The following SNURF variants were observed in gnomAD, a reference collection of about 807,000 sequenced individuals.
SNURF encodes the protein SNRPN upstream open reading frame.
Under a neutral mutation model 11.6 loss-of-function variants are expected in SNURF, and 6 were observed. The ratio of observed to expected loss-of-function variants is 0.52; its 90% CI spans 0.28 to 1.02. The LOEUF (loss-of-function observed/expected upper bound fraction) is 1.02, where lower values mean the gene tolerates loss of function less well. Among genes scored for constraint, SNURF ranks in the 50% least tolerant of loss-of-function variants. The pLI, the probability that SNURF is intolerant of heterozygous loss-of-function variation, is 0.09. For synonymous variants in SNURF, 29 were observed against 31.6 expected, an observed-to-expected ratio of 0.92 and a Z score of 0.27; for missense variants, 84 against 88.4, an observed-to-expected ratio of 0.95 and a Z score of 0.20.
In SNURF at chr15:24,956,506, TC is replaced by T. The variant is rs921500626; in HGVS notation, c.14+1448del. Among the ~76,000 whole-genome samples, 75 of 152,182 alleles carry T rather than the reference TC, an allele frequency of 4.9e-4. 1 individual carries two copies. Among genetic ancestry groups the T allele is most frequent in the Admixed American group, 8.5e-4 (13 of 15,292 alleles). On this transcript the variant is annotated intron_variant, in intron 1 of 2. Transcript: ENST00000577949. ...CCGGCCAAGGTGGGCGGCTGCCCCC[TC>T]CCCAAAGTGCTGCTTGGGAAAGGAT...
At chr15:24,957,608 C>A (rs2063141631) in intron 1 of SNURF, among the ~76,000 whole-genome samples, 1 of 152,146 alleles carries the variant, frequency 6.6e-6, no homozygotes, top group South Asian at 2.1e-4. Flanking sequence ...TGTCTGGTTG[C>A]ACTGAGTTGT....
At chr15:24,957,184 A>G (rs1036299734) in intron 1 of SNURF, among the ~76,000 whole-genome samples, 2 of 152,158 alleles carry the variant, frequency 1.3e-5, no homozygotes, top group Non-Finnish European at 2.9e-5. Context: ...TGGATAGTCC[A>G]TTCTGATGCA....
chr15:24,977,645 A>G (rs549915278), intron 6 of SNURF: 5 of 892,244 alleles, frequency 5.6e-6, no homozygotes, highest in Non-Finnish European at 8.0e-6. Flanking sequence ...TCAAAAAAAA[A>G]CATGGGAATA....
At chr15:24,977,765 C>T (rs752739804) in intron 6 of SNURF, 11 of 1,581,174 alleles carry the variant, frequency 7.0e-6, no homozygotes, top group East Asian at 2.3e-5. Context: ...TGTTTCCCGC[C>T]CTGCCTTCTC....
At chr15:24,976,474 A>T in intron 5 of SNURF, 1 of 1,145,966 alleles carries the variant, frequency 8.7e-7, no homozygotes, top group Non-Finnish European at 1.3e-6. Flanking sequence ...ATATTATGTG[A>T]GATGTCTGAA....
intron 4 of SNURF, chr15:24,975,586 T>C: frequency 8.0e-7 from 1 of 1,253,844 alleles, no homozygotes; most frequent in Non-Finnish European, 1.1e-6. Flanking sequence ...GTAAGGGATT[T>C]CCGAGGGTAA....
exon 1 of SNURF, chr15:24,954,993 T>TGGAGC (rs1296453386): frequency 5.0e-6 from 8 of 1,609,412 alleles, no homozygotes; most frequent in African/African-American, 1.3e-5. Context: ...TGGCGCAGAG[T>TGGAGC]GGAGCGGCCG....
chr15:24,962,174 C>G, exon 2 of SNURF: 8 of 1,614,114 alleles, frequency 5.0e-6, no homozygotes, highest in Non-Finnish European at 6.8e-6. Flanking sequence ...AAGTCCAAGT[C>G]AAACGCAGAA....
At chr15:24,973,497 A>G, downstream of SNURF, among the ~76,000 whole-genome samples, 1 of 152,152 alleles carries the variant, frequency 6.6e-6, no homozygotes. Context: ...TCCCAGGTTC[A>G]AGCGATTCTC....
At chr15:24,957,689 T>A (rs986295246) in intron 1 of SNURF, among the ~76,000 whole-genome samples, 2 of 152,354 alleles carry the variant, frequency 1.3e-5, no homozygotes, top group Non-Finnish European at 1.5e-5. Flanking sequence ...TTGGGTAGTT[T>A]TAAAAATAGC....
chr15:24,958,319 C>T (rs1272721434), intron 1 of SNURF, among the ~76,000 whole-genome samples: 1 of 151,312 alleles, frequency 6.6e-6, no homozygotes, highest in Non-Finnish European at 1.5e-5. Flanking sequence ...GTTGTGAGTA[C>T]TGCCCTCAAT....
downstream of SNURF, among the ~76,000 whole-genome samples, chr15:24,972,767 T>C (rs1054487191): frequency 1.3e-5 from 2 of 149,406 alleles, no homozygotes; most frequent in South Asian, 2.1e-4. Context: ...AGGGAAACAT[T>C]ATGCATGCTT....
chr15:24,962,349 C>T, intron 2 of SNURF, 140 bp downstream of exon 2: 1 of 730,522 alleles, frequency 1.4e-6, no homozygotes, highest in Non-Finnish European at 2.4e-6. Flanking sequence ...AGTAAAAAAG[C>T]AATGAAATTC....
chr15:24,963,315 C>T (rs1172278581), intron 2 of SNURF, among the ~76,000 whole-genome samples: 2 of 152,164 alleles, frequency 1.3e-5, no homozygotes, highest in East Asian at 1.9e-4. Context: ...AAAGAACAGT[C>T]ACTTTGAAAA....
chr15:24,958,227 G>C (rs393784), intron 1 of SNURF, among the ~76,000 whole-genome samples: 58 of 151,932 alleles, frequency 3.8e-4, no homozygotes, highest in Admixed American at 9.8e-4. Flanking sequence ...TTGTTTATAA[G>C]GTGTCAAGGA....
chr15:24,972,073 T>C (rs903148944), downstream of SNURF, among the ~76,000 whole-genome samples: 1 of 152,088 alleles, frequency 6.6e-6, no homozygotes, highest in African/African-American at 2.4e-5. Flanking sequence ...CTGGCCAACG[T>C]AGCGAAATTC....
chr15:24,965,280 G>A (rs1220648086), intron 2 of SNURF, among the ~76,000 whole-genome samples: 2 of 152,184 alleles, frequency 1.3e-5, no homozygotes, highest in African/African-American at 2.4e-5. Flanking sequence ...GCTCACGCCT[G>A]TAATCCCAGC....
chr15:24,974,497 A>G, intron 3 of SNURF: 1 of 1,603,064 alleles, frequency 6.2e-7, no homozygotes, highest in Non-Finnish European at 8.5e-7. Context: ...ATGTGCTGTA[A>G]GGGCCGAAAG....
At chr15:24,962,891 T>C (rs1043803218) in intron 2 of SNURF, among the ~76,000 whole-genome samples, 2 of 152,226 alleles carry the variant, frequency 1.3e-5, no homozygotes, top group African/African-American at 4.8e-5. Flanking sequence ...AGCATTTTTT[T>C]CTTAGCTACA....
Sources: gnomAD v4.1 joint callset for allele counts (sites outside exome capture counted in the v4.1 genomes callset) on GRCh38, gnomAD v4.1.1 for gene constraint, MANE v1.5 for transcripts, NCBI Gene and HGNC (gene_info 2026-07-23, HGNC 2026-07-21) for gene names.